DAPK1: variants seen among roughly 807,000 people sequenced by gnomAD.
The protein encoded by DAPK1 is death-associated protein kinase 1.
DAPK1 carries 56 observed loss-of-function variants against 144.9 expected under a neutral mutation model. That is an observed-to-expected ratio of 0.39 (90% CI 0.31 to 0.48). DAPK1 has a LOEUF of 0.48. Among genes scored for constraint, DAPK1 ranks in the 20% least tolerant of loss-of-function variants. The pLI, the probability that DAPK1 is intolerant of heterozygous loss-of-function variation, is 0.95. For synonymous variants in DAPK1, 690 were observed against 749.0 expected, an observed-to-expected ratio of 0.92 and a Z score of 1.29; for missense variants, 1,454 against 1,875.4, an observed-to-expected ratio of 0.78 and a Z score of 4.15.
chr9:87,566,472 T>C (rs1827131303), intron 2 of DAPK1, among the ~76,000 whole-genome samples: 1 of 152,104 alleles, frequency 6.6e-6, no homozygotes, highest in Non-Finnish European at 1.5e-5. Flanking sequence ...CCTCCAAAAA[T>C]TGAGGCTGTA....
chr9:87,518,278 ATTTTT>A (rs1188386875), intron 2 of DAPK1, among the ~76,000 whole-genome samples: 5 of 124,590 alleles, frequency 4.0e-5, no homozygotes, highest in African/African-American at 6.2e-5. Flanking sequence ...CACCCAGCTA[ATTTTT>A]TTTTTTTTTT....
At chr9:87,625,499 C>T (rs750684190) in intron 3 of DAPK1, among the ~76,000 whole-genome samples, 1 of 152,214 alleles carries the variant, frequency 6.6e-6, no homozygotes, top group Non-Finnish European at 1.5e-5. Context: ...GTCTCAGGAG[C>T]CCCAGGTTCC....
intron 3 of DAPK1, among the ~76,000 whole-genome samples, chr9:87,614,745 C>T (rs961256803): frequency 2.6e-5 from 4 of 152,188 alleles, no homozygotes; most frequent in East Asian, 1.9e-4. Flanking sequence ...CCATCCTTGT[C>T]GTGGGCTCCC....
intron 2 of DAPK1, among the ~76,000 whole-genome samples, chr9:87,549,810 A>G (rs1826405699): frequency 2.6e-5 from 4 of 152,216 alleles, no homozygotes; most frequent in Non-Finnish European, 5.9e-5. Flanking sequence ...TTTCAAATAT[A>G]TGGAAAAGTG....
At chr9:87,650,156 G>A in intron 16 of DAPK1, 38 bp downstream of exon 16, 1 of 1,607,316 alleles carries the variant, frequency 6.2e-7, no homozygotes, top group Non-Finnish European at 8.5e-7. Flanking sequence ...ACTGGGAAGT[G>A]ATCTAGGGGT....
At chr9:87,509,283 A>G (rs1824737793) in intron 2 of DAPK1, among the ~76,000 whole-genome samples, 1 of 152,230 alleles carries the variant, frequency 6.6e-6, no homozygotes. Context: ...AAAAAGCGCT[A>G]AAAAGTTATT....
At chr9:87,590,369 C>CAAAAAAAAAAAAAAAAAAAAAA (rs200588801) in intron 2 of DAPK1, among the ~76,000 whole-genome samples, 1 of 85,740 alleles carries the variant, frequency 1.2e-5, no homozygotes, top group African/African-American at 4.0e-5. Context: ...TCATTGGCCT[C>CAAAAAAAAAAAAAAAAAAAAAA]AAAAAAAAAA....
intron 3 of DAPK1, among the ~76,000 whole-genome samples, chr9:87,609,352 T>A (rs2111554): frequency 6.6e-6 from 1 of 151,990 alleles, no homozygotes; most frequent in African/African-American, 2.4e-5. Context: ...ATGCACGGTA[T>A]GATGCGTGTT....
At chr9:87,704,476 G>C (rs1210185651) in intron 25 of DAPK1, among the ~76,000 whole-genome samples, 2 of 152,098 alleles carry the variant, frequency 1.3e-5, no homozygotes, top group African/African-American at 2.4e-5. Flanking sequence ...GATTGGCCCC[G>C]GGCCTCCTCC....
intron 21 of DAPK1, among the ~76,000 whole-genome samples, chr9:87,691,582 T>C (rs565714631): frequency 6.6e-6 from 1 of 152,182 alleles, no homozygotes; most frequent in South Asian, 2.1e-4. Context: ...CATCATTCGA[T>C]TGTTTATTTG....
intron 2 of DAPK1, among the ~76,000 whole-genome samples, chr9:87,524,292 C>T (rs1021187479): frequency 6.6e-6 from 1 of 152,194 alleles, no homozygotes; most frequent in Non-Finnish European, 1.5e-5. Flanking sequence ...ATCTCTCCTC[C>T]CACAGCTGGA....
chr9:87,582,351 C>T (rs1046388723), intron 2 of DAPK1, among the ~76,000 whole-genome samples: 4 of 152,138 alleles, frequency 2.6e-5, no homozygotes, highest in Non-Finnish European at 4.4e-5. Context: ...GGGACTGAAG[C>T]GTCTAGCCTG....
At chr9:87,661,766 C>T (rs945924163) in intron 18 of DAPK1, among the ~76,000 whole-genome samples, 3 of 152,164 alleles carry the variant, frequency 2.0e-5, no homozygotes, top group Non-Finnish European at 4.4e-5. Context: ...TATTTTCTCT[C>T]ATTCTGCAAG....
chr9:87,670,599 A>G (rs1324318384), intron 19 of DAPK1, among the ~76,000 whole-genome samples: 1 of 152,122 alleles, frequency 6.6e-6, no homozygotes, highest in Non-Finnish European at 1.5e-5. Context: ...AGCACCTGGC[A>G]CCTGGCTTGC....
At chr9:87,514,335 C>T (rs1211584272) in intron 2 of DAPK1, among the ~76,000 whole-genome samples, 1 of 152,096 alleles carries the variant, frequency 6.6e-6, no homozygotes, top group East Asian at 1.9e-4. Context: ...ATGGACTGTC[C>T]CAGGAGTGCG....
intron 2 of DAPK1, among the ~76,000 whole-genome samples, chr9:87,507,243 G>T (rs890700445): frequency 3.3e-5 from 5 of 152,076 alleles, no homozygotes; most frequent in Non-Finnish European, 5.9e-5. Context: ...ACGGAATTTC[G>T]CTCTTGTTGC....
rs779853952 is a variant in DAPK1 at position 87,643,381 on chromosome 9, C to G, written c.924C>G (p.Ser308=). The G allele has an allele frequency of 1.3e-6, 2 of 1,516,396 alleles. No homozygotes were observed. The highest frequency in any genetic ancestry group is 8.9e-7 in the Non-Finnish European group (1 of 1,128,620). The allele number at this position is 1,516,396 out of a possible 1,614,324, so 93.9% of individuals were successfully genotyped here. A position where few individuals can be genotyped will look rare whatever the true frequency, so the allele number is the denominator to read the frequency against. Residue 308 remains serine (S), a synonymous_variant, in exon 11 of 26, where the codon TCC becomes TCG. Transcript: ENST00000408954. ...KFAARKKWKQ[S]VRLISLCQRL... ...TTTTTTTTTTTAAAAAAAAGCAATC[C>G]GTTCGCTTGATATCACTGTGCCAAA...
chr9:87,509,353 G>A (rs569416074), intron 2 of DAPK1, among the ~76,000 whole-genome samples: 27 of 152,210 alleles, frequency 1.8e-4, no homozygotes, highest in African/African-American at 6.3e-4. Context: ...AGCACAGCCT[G>A]CCAGCATTTT....
At chr9:87,613,040 C>T (rs910163134) in intron 3 of DAPK1, among the ~76,000 whole-genome samples, 10 of 152,198 alleles carry the variant, frequency 6.6e-5, no homozygotes, top group African/African-American at 1.7e-4. Flanking sequence ...GCTTCCATTT[C>T]GAAGCACATC....
Sources: allele counts gnomAD v4.1 joint callset (sites outside exome capture counted in the v4.1 genomes callset), GRCh38; gene constraint gnomAD v4.1.1; transcripts MANE v1.5; gene names NCBI Gene and HGNC (gene_info 2026-07-23, HGNC 2026-07-21).